Variants in CSMD1 observed in about 807,000 individuals in gnomAD.
CSMD1 encodes CUB and sushi domain-containing protein 1.
A neutral mutation model predicts 417.5 loss-of-function variants in CSMD1; 213 were observed. The ratio of observed to expected loss-of-function variants is 0.51; its 90% confidence interval spans 0.46 to 0.57. The LOEUF (loss-of-function observed/expected upper bound fraction) is 0.57. Among genes scored for constraint, CSMD1 ranks in the 20% least tolerant of loss-of-function variants. CSMD1 has a pLI of 0.00. For missense variants in CSMD1, 6,923 were observed against 4,529.7 expected, an observed-to-expected ratio of 1.53 and a Z score of -15.17; for synonymous variants, 2,862 against 1,736.8, an observed-to-expected ratio of 1.65 and a Z score of -16.11.
At chr8:4,865,894 T>C (rs1802397661) in intron 1 of CSMD1, among the ~76,000 whole-genome samples, 1 of 151,904 alleles carries the variant, frequency 6.6e-6, no homozygotes, top group Non-Finnish European at 1.5e-5. Flanking sequence ...ATCATAGGTT[T>C]GAAAGAAAAA....
At chr8:4,539,380 T>C (rs547299353) in intron 2 of CSMD1, among the ~76,000 whole-genome samples, 1 of 152,346 alleles carries the variant, frequency 6.6e-6, no homozygotes, top group South Asian at 2.1e-4. Flanking sequence ...AGGAATGTTT[T>C]TGGAGTGTTC....
rs73513808 is a variant in CSMD1 at position 4,939,370 on chromosome 8, A to G, written c.85+54962T>C. Among the ~76,000 whole-genome samples the G allele has an allele frequency of 5.6e-3, 848 of 152,328 alleles. 7 individuals carry two copies. Among genetic ancestry groups the G allele is most frequent in the African/African-American group, 0.019 (786 of 41,572 alleles). ...GCTCATGTCTCTAGCAGCACTATTC[A>G]TTAATAGCCAAGCTATGGAAACAAC... On this transcript the variant is annotated intron_variant, in intron 1 of 69. Transcript: ENST00000635120.
In CSMD1 at chr8:3,471,336, G is replaced by A. The variant is rs539327694; in HGVS notation, c.1449-2512C>T. On this transcript the variant is annotated intron_variant, in intron 11 of 69. Transcript: ENST00000635120. ...ATACTGAAAACTCTCTTGATATATT[G>A]TAGTACAGATACCAGTCCTTGTCAG... is the stretch of plus-strand genomic sequence containing the variant. Among the ~76,000 whole-genome samples, 430 of 152,148 alleles carry A rather than the reference G, an allele frequency of 2.8e-3. 1 individual carries two copies. Among genetic ancestry groups the A allele is most frequent in the Non-Finnish European group, 4.4e-3 (301 of 68,014 alleles).
intron 3 of CSMD1, among the ~76,000 whole-genome samples, chr8:4,312,084 A>C (rs1346284166): frequency 6.6e-6 from 1 of 152,110 alleles, no homozygotes; most frequent in Admixed American, 6.6e-5. Context: ...AATGTGTGTC[A>C]ATTTCCAGGA....
intron 1 of CSMD1, among the ~76,000 whole-genome samples, chr8:4,881,279 CTG>C (rs1276125000): frequency 6.6e-6 from 1 of 152,122 alleles, no homozygotes; most frequent in Non-Finnish European, 1.5e-5. Context: ...CATTGCCAGA[CTG>C]TGCCCTCTAC....
chr8:4,727,266 A>C (rs189906855), intron 1 of CSMD1, among the ~76,000 whole-genome samples: 14 of 152,310 alleles, frequency 9.2e-5, no homozygotes, highest in Admixed American at 5.9e-4. Flanking sequence ...TAAACCAGTT[A>C]ATGTCTACCG....
intron 1 of CSMD1, among the ~76,000 whole-genome samples, chr8:4,788,944 G>C (rs1797552512): frequency 6.6e-6 from 1 of 152,182 alleles, no homozygotes; most frequent in African/African-American, 2.4e-5. Flanking sequence ...GACTGTAGAT[G>C]CAGAGTTCTG....
intron 52 of CSMD1, among the ~76,000 whole-genome samples, chr8:3,004,451 A>T (rs2128958181): frequency 6.6e-6 from 1 of 152,300 alleles, no homozygotes; most frequent in South Asian, 2.1e-4. Context: ...TCTTAAATCA[A>T]TCTTCTGCGT....
intron 1 of CSMD1, among the ~76,000 whole-genome samples, chr8:4,846,436 T>A (rs996183490): frequency 6.6e-6 from 1 of 152,210 alleles, no homozygotes; most frequent in Non-Finnish European, 1.5e-5. Flanking sequence ...GGCTTGTCCT[T>A]GAGGTTTTGG....
chr8:4,439,802 T>C (rs563850810), intron 2 of CSMD1, among the ~76,000 whole-genome samples: 1 of 152,282 alleles, frequency 6.6e-6, no homozygotes, highest in East Asian at 1.9e-4. Flanking sequence ...TGAGAAGAGA[T>C]GTAAATTCAG....
chr8:4,726,761 C>A (rs376975570), intron 1 of CSMD1, among the ~76,000 whole-genome samples: 2 of 152,176 alleles, frequency 1.3e-5, no homozygotes, highest in East Asian at 1.9e-4. Flanking sequence ...ACTGCATGTC[C>A]TTTCCTATGT....
intron 15 of CSMD1, among the ~76,000 whole-genome samples, chr8:3,400,640 A>C (rs960950478): frequency 6.6e-6 from 1 of 152,004 alleles, no homozygotes; most frequent in African/African-American, 2.4e-5. Flanking sequence ...GATATGGGAA[A>C]ATCTTTGCAA....
chr8:3,119,919 T>A (rs1817098082), intron 41 of CSMD1, among the ~76,000 whole-genome samples: 2 of 152,132 alleles, frequency 1.3e-5, no homozygotes, highest in Admixed American at 1.3e-4. Context: ...CACAATCAAC[T>A]GAAAATCAAG....
intron 10 of CSMD1, among the ~76,000 whole-genome samples, chr8:3,557,870 T>C (rs187066432): frequency 7.3e-4 from 111 of 152,324 alleles, no homozygotes; most frequent in Non-Finnish European, 1.4e-3. Context: ...AATAATGCCA[T>C]TGGTTCAGCA....
chr8:4,440,448 G>A (rs1351875806), intron 2 of CSMD1, among the ~76,000 whole-genome samples: 4 of 152,054 alleles, frequency 2.6e-5, no homozygotes, highest in East Asian at 1.9e-4. Flanking sequence ...CAAAATCATT[G>A]TTCATCTTGT....
chr8:3,310,834 C>A (rs962265562), intron 23 of CSMD1, among the ~76,000 whole-genome samples: 7 of 150,914 alleles, frequency 4.6e-5, no homozygotes, highest in Middle Eastern at 3.2e-3. Context: ...CAAACCACAC[C>A]CAATGTGACC....
chr8:4,100,494 T>G (rs752799592), intron 3 of CSMD1, among the ~76,000 whole-genome samples: 2 of 152,174 alleles, frequency 1.3e-5, no homozygotes, highest in African/African-American at 2.4e-5. Flanking sequence ...CTTAGTCTCA[T>G]CAACTATAAA....
rs1813726387 is a variant in CSMD1, at chr8:3,076,945, C to T, written c.7474+10152G>A. ...ACTGGGCTTCTGGCATACTCATCAC[C>T]TGAGTAGCGAACATTGTATCCAACA... On this transcript the variant is annotated intron_variant, in intron 49 of 69. Coordinates refer to ENST00000635120, the MANE Select transcript of CSMD1 (RefSeq NM_033225.6). Among the ~76,000 whole-genome samples the T allele has an allele frequency of 2.6e-5, 4 of 152,276 alleles. No individual in the cohort carries two copies. In the South Asian group the frequency reaches 8.3e-4, roughly 32 times the overall value.
chr8:4,965,721 C>T (rs1411164912), intron 1 of CSMD1, among the ~76,000 whole-genome samples: 1 of 152,104 alleles, frequency 6.6e-6, no homozygotes, highest in Non-Finnish European at 1.5e-5. Context: ...ATTGAATGCA[C>T]ATTTTAATTT....
Sources: gnomAD v4.1 joint callset for allele counts (sites outside exome capture counted in the v4.1 genomes callset) on GRCh38, gnomAD v4.1.1 for gene constraint, MANE v1.5 for transcripts, NCBI Gene and HGNC (gene_info 2026-07-23, HGNC 2026-07-21) for gene names.